The following FABP4 variants were observed in gnomAD, a reference collection of about 807,000 sequenced individuals.
FABP4 encodes the protein fatty acid-binding protein, adipocyte.
FABP4 carries 17 observed loss-of-function variants against 14.6 expected under a neutral mutation model. The ratio of observed to expected loss-of-function variants is 1.16; its 90% CI spans 0.80 to 1.74. The LOEUF is 1.74. Ranked by LOEUF, FABP4 falls within the 40% of genes most tolerant of loss-of-function variation. FABP4 has a pLI of 0.00. For synonymous variants in FABP4, 54 were observed against 54.6 expected, an observed-to-expected ratio of 0.99 and a Z score of 0.05; for missense variants, 149 against 160.3, an observed-to-expected ratio of 0.93 and a Z score of 0.38.
chr8:81,479,530 A>C lies in FABP4; in HGVS notation c.247-15T>G, dbSNP rs1247887711. The C allele has an allele frequency of 2.3e-5, 37 of 1,598,150 alleles. No homozygotes were observed. Among genetic ancestry groups the C allele is most frequent in the Non-Finnish European group, 3.1e-5 (36 of 1,166,522 alleles). On this transcript the variant is annotated splice_polypyrimidine_tract_variant and intron_variant, in intron 2 of 3. Transcript: ENST00000256104. ...GTTATGGTGCTCTGTAGGCATAAGAAAATGTAATGACAATGTGCAGAGGGA... is the reference window on the plus strand; with the variant it reads ...GTTATGGTGCTCTGTAGGCATAAGACAATGTAATGACAATGTGCAGAGGGA...
At chr8:81,480,931 G>T (rs10808846) in intron 1 of FABP4, among the ~76,000 whole-genome samples, 55,934 of 151,952 alleles carry the variant, frequency 0.37, 11,989 homozygotes, top group East Asian at 0.74. Context: ...AAGGTTAAGT[G>T]GTTGGGAAGA....
chr8:81,480,572 C>T lies in FABP4; in HGVS notation c.100G>A (p.Ala34Thr). The change falls in exon 2 of 4, where the codon GCT (alanine) becomes ACT (threonine). Residue 34 changes from alanine to threonine, a missense_variant. Transcript: ENST00000256104. ...ATCATGTTAGGTTTGGCCATGCCAGCCACTTTCCTGGTGGCAAAGCCCACT... is the reference window on the plus strand; with the variant it reads ...ATCATGTTAGGTTTGGCCATGCCAGTCACTTTCCTGGTGGCAAAGCCCACT... ...VGVGFATRKV[A>T]GMAKPNMIIS... is the part of the protein sequence containing the mutation. 6.2e-7 allele frequency: 1 copy of T among 1,611,562 alleles called. No individual in the cohort carries two copies. Among genetic ancestry groups the T allele is most frequent in the Non-Finnish European group, 8.5e-7 (1 of 1,178,930 alleles).
chr8:81,479,702 C>T, intron 2 of FABP4, 187 bp from the exon 3 acceptor site: 1 of 466,086 alleles, frequency 2.1e-6, no homozygotes, highest in Non-Finnish European at 3.8e-6. Flanking sequence ...ACGTTATGTC[C>T]AGAGTGTTAT....
At chr8:81,481,876 C>T (rs1285618613) in intron 1 of FABP4, among the ~76,000 whole-genome samples, 1 of 152,132 alleles carries the variant, frequency 6.6e-6, no homozygotes, top group African/African-American at 2.4e-5. Context: ...GCCCACTCAT[C>T]CTCAATTACA....
At chr8:81,479,354 T>G in intron 3 of FABP4, 60 bp downstream of exon 3, 1 of 1,291,772 alleles carries the variant, frequency 7.7e-7, no homozygotes, top group Non-Finnish European at 1.1e-6. Flanking sequence ...TTAAGTGGAA[T>G]AGTGATCATG....
chr8:81,479,407 T>G lies in FABP4; in HGVS notation c.348+7A>C. The G allele has an allele frequency of 6.2e-7, 1 of 1,606,952 alleles. No homozygotes were observed. Among genetic ancestry groups the G allele is most frequent in the Non-Finnish European group, 8.5e-7 (1 of 1,173,728 alleles). On this transcript the variant is annotated splice_region_variant and intron_variant, in intron 3 of 3. Coordinates refer to ENST00000256104, the MANE Select transcript of FABP4 (RefSeq NM_001442.3). ...GATCCAGAATTAAGTAGCTAGAAGA[T>G]ACTCACCACCACCAGTTTATCATCC...
chr8:81,480,980 T>A (rs12114459), intron 1 of FABP4, among the ~76,000 whole-genome samples: 1 of 152,052 alleles, frequency 6.6e-6, no homozygotes, highest in Admixed American at 6.6e-5. Context: ...TTTTTCTCTC[T>A]TAATAAAATA....
At chr8:81,479,728 G>T (rs1808041301) in intron 2 of FABP4, 1 of 352,668 alleles carries the variant, frequency 2.8e-6, no homozygotes, top group Non-Finnish European at 5.0e-6. Context: ...TTACATAATT[G>T]GAAAAATTAC....
In FABP4 at chr8:81,478,899, C is replaced by T. The variant is rs1320695949; in HGVS notation, c.365G>A (p.Gly122Asp). The T allele has an allele frequency of 6.2e-7, 1 of 1,613,244 alleles. No homozygotes were observed. The highest frequency in any genetic ancestry group is 8.5e-7 in the Non-Finnish European group (1 of 1,179,410). ...CTCATAAACTCTCGTGGAAGTGACG[C>T]CTTTCATGACGCATTCCTAGACACA... is the stretch of plus-strand genomic sequence containing the variant. ...DKLVVECVMK[G>D]VTSTRVYERA The change falls in exon 4 of 4, where the codon GGC (glycine) becomes GAC (aspartate). Residue 122 changes from glycine to aspartate, a missense_variant. Transcript: ENST00000256104.
chr8:81,483,017 G>T, intron 1 of FABP4, 78 bp downstream of exon 1: 2 of 1,170,632 alleles, frequency 1.7e-6, no homozygotes, highest in South Asian at 1.6e-5. Flanking sequence ...TCCAGACATT[G>T]CTATAAACAC....
At chr8:81,482,811 T>C (rs1337712749) in intron 1 of FABP4, among the ~76,000 whole-genome samples, 3 of 152,070 alleles carry the variant, frequency 2.0e-5, no homozygotes, top group Non-Finnish European at 4.4e-5. Context: ...GATACCCAAG[T>C]TTTTCAAATA....
intron 2 of FABP4, 51 bp downstream of exon 2, chr8:81,480,375 T>C (rs1808058715): frequency 1.3e-6 from 2 of 1,532,284 alleles, no homozygotes; most frequent in Admixed American, 1.8e-5. Flanking sequence ...CTTATAGCAG[T>C]GGTGATTTAG....
At position 81,478,835 on chromosome 8, in the gene FABP4, G is replaced by A. The variant is rs148565726; in HGVS notation, c.*30C>T. On this transcript the variant is annotated 3_prime_UTR_variant, in exon 4 of 4. Coordinates refer to ENST00000256104, the MANE Select transcript of FABP4 (RefSeq NM_001442.3). ...CACAGAATGTTGTAGAGTTCAATGC[G>A]AACTTCAGTCCAGGTCAACGTCCCT... The A allele has an allele frequency of 1.1e-5, 18 of 1,599,518 alleles. 1 individual carries two copies. The highest frequency in any genetic ancestry group is 1.1e-4 in the South Asian group (10 of 89,618).
chr8:81,480,360 G>C, intron 2 of FABP4, 66 bp downstream of exon 2: 1 of 1,425,494 alleles, frequency 7.0e-7, no homozygotes, highest in Non-Finnish European at 9.5e-7. Context: ...ATCATAAAAT[G>C]ATTTCTTATA....
At chr8:81,481,602 G>T (rs1808080379) in intron 1 of FABP4, among the ~76,000 whole-genome samples, 1 of 152,156 alleles carries the variant, frequency 6.6e-6, no homozygotes, top group African/African-American at 2.4e-5. Flanking sequence ...GGCAACCAAA[G>T]GTTAGAAATT....
intron 3 of FABP4, 32 bp downstream of exon 3, chr8:81,479,382 G>T: frequency 6.6e-7 from 1 of 1,515,598 alleles, no homozygotes; most frequent in Non-Finnish European, 9.2e-7. Flanking sequence ...CTAGCAGTAA[G>T]ATCCAGAATT....
intron 1 of FABP4, among the ~76,000 whole-genome samples, chr8:81,481,286 A>G (rs1432746983): frequency 1.3e-5 from 2 of 152,206 alleles, no homozygotes; most frequent in Non-Finnish European, 2.9e-5. Flanking sequence ...CTAATAATTT[A>G]TAGGGGATAT....
chr8:81,480,607 A>C lies in FABP4; in HGVS notation c.74-9T>G. The C allele has an allele frequency of 1.3e-6, 2 of 1,599,308 alleles. No individual in the cohort carries two copies. The highest frequency in any genetic ancestry group is 1.7e-6 in the Non-Finnish European group (2 of 1,173,330). ...GGTGGCAAAGCCCACTCCTACAGTT[A>C]GGAAAAGAAAAGATGTCAGATTTAC... On this transcript the variant is annotated splice_polypyrimidine_tract_variant and intron_variant, in intron 1 of 3. Transcript: ENST00000256104.
At position 81,483,223 on chromosome 8, in the gene FABP4, G is replaced by C. The variant is rs959655703; in HGVS notation, c.-56C>G. ...GTGAGAAGGAAGCTGCAGTTTTCAG[G>C]AGGGTGCTGTGACCCTCTTGAGTCC... On this transcript the variant is annotated 5_prime_UTR_variant, in exon 1 of 4. Coordinates refer to ENST00000256104, the MANE Select transcript of FABP4 (RefSeq NM_001442.3). The C allele has an allele frequency of 4.9e-6, 7 of 1,437,450 alleles. No individual in the cohort carries two copies. The African/African-American group carries it at 7.0e-5, about 14-fold the overall frequency. The allele number at this position is 1,437,450 out of a possible 1,614,324, so 89.0% of individuals were successfully genotyped here.
Sources: allele counts gnomAD v4.1 joint callset (sites outside exome capture counted in the v4.1 genomes callset), GRCh38; gene constraint gnomAD v4.1.1; transcripts MANE v1.5; gene names NCBI Gene and HGNC (gene_info 2026-07-23, HGNC 2026-07-21).